Variants in KCNMB2 observed in about 807,000 individuals in gnomAD.
KCNMB2 encodes calcium-activated potassium channel subunit beta-2.
KCNMB2 carries 9 observed loss-of-function variants against 24.5 expected under a neutral mutation model. That is an observed-to-expected ratio of 0.37 (90% CI 0.22 to 0.64). KCNMB2 has a LOEUF of 0.64. Among genes scored for constraint, KCNMB2 ranks in the 30% least tolerant of loss-of-function variants. The probability of loss-of-function intolerance (pLI) is 0.63; values close to 1 mark genes in which losing one functional copy is unlikely to be tolerated. For missense variants in KCNMB2, 226 were observed against 284.3 expected, an observed-to-expected ratio of 0.79 and a Z score of 1.47; for synonymous variants, 109 against 104.4, an observed-to-expected ratio of 1.04 and a Z score of -0.27.
intron 1 of KCNMB2, among the ~76,000 whole-genome samples, chr3:178,766,367 A>AT (rs1046687684): frequency 1.3e-5 from 2 of 151,856 alleles, no homozygotes; most frequent in African/African-American, 4.8e-5. Context: ...TTATTTTTTT[A>AT]TTTTTTTATG....
intron 2 of KCNMB2, among the ~76,000 whole-genome samples, chr3:178,820,086 CA>C (rs1714566987): frequency 1.3e-5 from 2 of 152,110 alleles, no homozygotes; most frequent in Non-Finnish European, 2.9e-5. Context: ...AATATTCATA[CA>C]AAAATTTATT....
At chr3:178,621,974 A>G (rs980563723) in intron 1 of KCNMB2, among the ~76,000 whole-genome samples, 2 of 152,196 alleles carry the variant, frequency 1.3e-5, no homozygotes, top group African/African-American at 4.8e-5. Context: ...GCCACTTACT[A>G]GCTGTGAAAT....
At chr3:178,713,028 T>A (rs1370248255) in intron 1 of KCNMB2, among the ~76,000 whole-genome samples, 1 of 152,210 alleles carries the variant, frequency 6.6e-6, no homozygotes, top group Non-Finnish European at 1.5e-5. Context: ...TCTTGCTACA[T>A]ATACATACAC....
At chr3:178,636,242 C>A (rs1719516165) in intron 1 of KCNMB2, among the ~76,000 whole-genome samples, 2 of 152,008 alleles carry the variant, frequency 1.3e-5, no homozygotes, top group South Asian at 4.2e-4. Flanking sequence ...ATTGTAGGAA[C>A]TTGGGTGGAA....
chr3:178,814,492 T>C (rs1714326772), intron 2 of KCNMB2, among the ~76,000 whole-genome samples: 1 of 152,212 alleles, frequency 6.6e-6, no homozygotes, highest in African/African-American at 2.4e-5. Context: ...ACTCCAGTAA[T>C]GGTATCAATT....
At chr3:178,753,084 G>C (rs2108391302) in intron 1 of KCNMB2, among the ~76,000 whole-genome samples, 1 of 152,268 alleles carries the variant, frequency 6.6e-6, no homozygotes, top group African/African-American at 2.4e-5. Context: ...CTTGCTCTCT[G>C]CATGTTATTG....
At chr3:178,743,579 GT>G (rs1200200178) in intron 1 of KCNMB2, among the ~76,000 whole-genome samples, 9 of 152,198 alleles carry the variant, frequency 5.9e-5, no homozygotes, top group Admixed American at 5.9e-4. Context: ...AAGAGCCCTG[GT>G]TACTGTAATT....
chr3:178,566,196 T>C (rs942285926), intron 1 of KCNMB2, among the ~76,000 whole-genome samples: 18 of 152,214 alleles, frequency 1.2e-4, no homozygotes, highest in Admixed American at 6.5e-4. Flanking sequence ...CTAAGGTCTA[T>C]GGTAGTCTAT....
chr3:178,819,914 T>C (rs1714560868), intron 2 of KCNMB2, among the ~76,000 whole-genome samples: 1 of 152,108 alleles, frequency 6.6e-6, no homozygotes, highest in African/African-American at 2.4e-5. Context: ...AAAGGCATAT[T>C]TATAAATATA....
intron 1 of KCNMB2, among the ~76,000 whole-genome samples, chr3:178,648,135 A>G (rs1719984295): frequency 6.6e-6 from 1 of 152,144 alleles, no homozygotes; most frequent in South Asian, 2.1e-4. Context: ...CACCATAGGT[A>G]TCTACACTAA....
intron 2 of KCNMB2, among the ~76,000 whole-genome samples, chr3:178,811,480 C>G (rs1334249166): frequency 6.6e-6 from 1 of 152,108 alleles, no homozygotes; most frequent in Non-Finnish European, 1.5e-5. Flanking sequence ...CATATTTATT[C>G]TGCAACTTGT....
chr3:178,658,636 G>C (rs1720423056), intron 1 of KCNMB2, among the ~76,000 whole-genome samples: 1 of 152,152 alleles, frequency 6.6e-6, no homozygotes, highest in South Asian at 2.1e-4. Context: ...TTAATGTGGG[G>C]ATGGTTGCCT....
intron 1 of KCNMB2, among the ~76,000 whole-genome samples, chr3:178,757,936 CA>C (rs1724212792): frequency 1.7e-5 from 1 of 57,666 alleles, no homozygotes; most frequent in Non-Finnish European, 3.2e-5. Context: ...TATATATATA[CA>C]CAAGGGGATA....
chr3:178,604,000 G>A (rs1577042281), intron 1 of KCNMB2, among the ~76,000 whole-genome samples: 2 of 152,202 alleles, frequency 1.3e-5, no homozygotes, highest in East Asian at 1.9e-4. Context: ...TGTGGCAGCC[G>A]TTTCCCAGAG....
intron 1 of KCNMB2, among the ~76,000 whole-genome samples, chr3:178,580,190 C>T (rs1270625383): frequency 6.6e-6 from 1 of 152,214 alleles, no homozygotes; most frequent in Non-Finnish European, 1.5e-5. Flanking sequence ...CAGTTGGCTT[C>T]ATCCCTGGGA....
intron 1 of KCNMB2, among the ~76,000 whole-genome samples, chr3:178,661,896 C>CTA (rs1720544672): frequency 6.6e-6 from 1 of 152,128 alleles, no homozygotes; most frequent in Non-Finnish European, 1.5e-5. Context: ...ACTACTAGAT[C>CTA]TATAGTCCTC....
intron 1 of KCNMB2, among the ~76,000 whole-genome samples, chr3:178,611,868 T>G (rs1718496067): frequency 6.6e-6 from 1 of 152,188 alleles, no homozygotes; most frequent in Non-Finnish European, 1.5e-5. Context: ...GTTTCTTCTC[T>G]TTTTTGATGT....
At chr3:178,828,583 T>C (rs1714926760) in intron 4 of KCNMB2, among the ~76,000 whole-genome samples, 1 of 152,196 alleles carries the variant, frequency 6.6e-6, no homozygotes. Context: ...CCTACATTTG[T>C]GGTAGTGCAG....
chr3:178,735,317 G>T (rs1258075040), intron 1 of KCNMB2, among the ~76,000 whole-genome samples: 3 of 140,824 alleles, frequency 2.1e-5, no homozygotes, highest in Non-Finnish European at 3.1e-5. Flanking sequence ...AAAACAGTAT[G>T]ACTTCACTCC....
Sources: gnomAD v4.1 joint callset for allele counts (sites outside exome capture counted in the v4.1 genomes callset) on GRCh38, gnomAD v4.1.1 for gene constraint, MANE v1.5 for transcripts, NCBI Gene and HGNC (gene_info 2026-07-23, HGNC 2026-07-21) for gene names.